SYNE2: variants seen among roughly 807,000 people sequenced by gnomAD.
SYNE2 encodes the protein nesprin-2.
SYNE2 carries 431 observed loss-of-function variants against 856.3 expected under a neutral mutation model. The ratio of observed to expected loss-of-function variants is 0.50; its 90% confidence interval spans 0.47 to 0.55. SYNE2 has a LOEUF of 0.55. SYNE2 is among the 20% of genes least tolerant of loss of function. The pLI, the probability that SYNE2 is intolerant of heterozygous loss-of-function variation, is 0.00. For missense variants in SYNE2, 8,129 were observed against 8,023.2 expected, an observed-to-expected ratio of 1.01 and a Z score of -0.50; for synonymous variants, 2,923 against 2,872.3, an observed-to-expected ratio of 1.02 and a Z score of -0.56.
chr14:63,986,538 A>T lies in SYNE2; in HGVS notation c.2234A>T (p.Gln745Leu), dbSNP rs185674511. The T allele has an allele frequency of 3.1e-6, 5 of 1,614,188 alleles. No individual in the cohort carries two copies. In the South Asian group the frequency reaches 4.4e-5, roughly 14 times the overall value. The change falls in exon 19 of 116, where the codon CAA becomes CTA. Residue 745 changes from glutamine to leucine, a missense_variant. Around this residue, in one of 3 missense-constraint regions of SYNE2, gnomAD observed 2,422 missense variants for 2,357.4 expected, o/e 1.03. Coordinates refer to ENST00000555002, the MANE Select transcript of SYNE2 (RefSeq NM_182914.3). ...VAKDVEKLIG[Q>L]VEIWEAEAKS... The stretch of plus-strand genomic sequence containing the variant: ...AAAGATGTTGAAAAACTCATTGGAC[A>T]AGTGGAAATCTGGGAGGCAGAAGCC...
chr14:64,187,216 G>GT, intron 97 of SYNE2, among the ~76,000 whole-genome samples: 1 of 152,232 alleles, frequency 6.6e-6, no homozygotes, highest in East Asian at 1.9e-4. Flanking sequence ...AAAGATCTTT[G>GT]TTTTAAGAAC....
At chr14:63,963,645 T>C (rs527476260) in intron 9 of SYNE2, among the ~76,000 whole-genome samples, 20 of 152,352 alleles carry the variant, frequency 1.3e-4, no homozygotes, top group South Asian at 4.1e-4. Flanking sequence ...TAGAATAATG[T>C]TCTCCAAGCC....
intron 32 of SYNE2, among the ~76,000 whole-genome samples, chr14:64,015,919 G>C (rs2096888983): frequency 6.6e-6 from 1 of 151,950 alleles, no homozygotes; most frequent in African/African-American, 2.4e-5. Flanking sequence ...AATTTCTCTT[G>C]AGACTTCCTC....
At chr14:64,094,218 C>T (rs1196813121) in intron 61 of SYNE2, among the ~76,000 whole-genome samples, 1 of 151,646 alleles carries the variant, frequency 6.6e-6, no homozygotes, top group East Asian at 1.9e-4. Flanking sequence ...CCTGTAGTCC[C>T]AGCTAGTCGG....
intron 85 of SYNE2, among the ~76,000 whole-genome samples, chr14:64,156,832 TC>T (rs1423548766): frequency 1.3e-5 from 2 of 152,224 alleles, no homozygotes; most frequent in African/African-American, 4.8e-5. Context: ...AGACATTCAG[TC>T]CACATAGTTG....
rs1379002423 is a variant in SYNE2, at chr14:64,190,209, C to T, written c.18010C>T (p.Gln6004Ter). 6.2e-7 allele frequency: 1 copy of T among 1,613,878 alleles called. No homozygotes were observed. Among genetic ancestry groups the T allele is most frequent in the African/African-American group, 1.3e-5 (1 of 74,846 alleles). ...GCTCAACAAAATTAACGATCGTTGGCAACATCTTTTTGATGTCATCGGATC... is the reference window on the plus strand; with the variant it reads ...GCTCAACAAAATTAACGATCGTTGGTAACATCTTTTTGATGTCATCGGATC... ...DKLNKINDRW[Q>*]HLFDVIGSRV... is the part of the protein sequence containing the mutation. Residue 6004 changes from glutamine (Q) to a stop codon, truncating the protein, a stop_gained, in exon 99 of 116, where the codon CAA becomes TAA. Transcript: ENST00000555002. LOFTEE classifies it high-confidence loss of function.
Position 64,225,752 on chromosome 14 carries a change from G to T in SYNE2, c.*226G>T, listed in dbSNP as rs1431203440. On this transcript the variant is annotated 3_prime_UTR_variant, in exon 116 of 116. Coordinates refer to ENST00000555002, the MANE Select transcript of SYNE2 (RefSeq NM_182914.3). ...TGTGGCAGGTGCCCCGGGTATTTTG[G>T]CAGAACTAGTTGATTAGTTTAGGGA... The T allele has an allele frequency of 3.3e-6, 2 of 607,616 alleles. No individual in the cohort carries two copies. Among genetic ancestry groups the T allele is most frequent in the Admixed American group, 5.6e-5 (2 of 35,528 alleles). The allele number at this position is 607,616 out of a possible 1,614,324, so 37.6% of individuals were successfully genotyped here. A position where few individuals can be genotyped will look rare whatever the true frequency, so the allele number is the denominator to read the frequency against.
At chr14:63,945,307 C>T (rs1446483997) in intron 6 of SYNE2, among the ~76,000 whole-genome samples, 1 of 152,070 alleles carries the variant, frequency 6.6e-6, no homozygotes, top group African/African-American at 2.4e-5. Context: ...GTCCTTCTCC[C>T]AATCACTGCC....
At position 64,070,761 on chromosome 14, in the gene SYNE2, A is replaced by T. The variant is rs2097399410; in HGVS notation, c.10548A>T (p.Gln3516His). 1 of 1,614,122 alleles carries T rather than the reference A, an allele frequency of 6.2e-7. No individual in the cohort carries two copies. Among genetic ancestry groups the T allele is most frequent in the Admixed American group, 1.7e-5 (1 of 60,012 alleles). ...ELSELLDCLC[Q>H]YGENVEKQQL... Reference sequence around the variant, plus strand: ...CTGAGCTGCTAGACTGTTTATGCCAATATGGAGAGAACGTGGAGAAGCAAC... The same window carrying T: ...CTGAGCTGCTAGACTGTTTATGCCATTATGGAGAGAACGTGGAGAAGCAAC... Residue 3516 changes from glutamine (Q) to histidine (H), a missense_variant, in exon 52 of 116, where the codon CAA (glutamine) becomes CAT (histidine). Physicochemically the swap from Gln to His is conservative, Grantham distance 24 (BLOSUM62 0). Coordinates refer to ENST00000555002, the MANE Select transcript of SYNE2 (RefSeq NM_182914.3).
chr14:64,038,327 G>T (rs866773938), intron 45 of SYNE2, among the ~76,000 whole-genome samples: 94 of 152,254 alleles, frequency 6.2e-4, no homozygotes, highest in Admixed American at 1.1e-3. Context: ...ATGAGATGGC[G>T]GCCGGGCAGA....
intron 7 of SYNE2, 94 bp from the exon 8 acceptor site, chr14:63,954,625 G>T (rs2096216348): frequency 4.2e-6 from 5 of 1,194,196 alleles, no homozygotes; most frequent in Non-Finnish European, 3.6e-6. Flanking sequence ...TAATTTACTT[G>T]ATTTGCCAAA....
chr14:64,016,778 A>C, intron 33 of SYNE2, 147 bp downstream of exon 33: 1 of 633,158 alleles, frequency 1.6e-6, no homozygotes, highest in Non-Finnish European at 2.7e-6. Context: ...TTTTAACCCC[A>C]GAGTTGGGAC....
chr14:63,868,039 G>T (rs546663517), intron 1 of SYNE2, among the ~76,000 whole-genome samples: 13 of 152,180 alleles, frequency 8.5e-5, no homozygotes, highest in African/African-American at 2.6e-4. Flanking sequence ...TACAGAGTAA[G>T]ACTGTCTAAA....
chr14:63,783,458 A>C (rs1368449634), intron 1 of SYNE2, among the ~76,000 whole-genome samples: 1 of 151,686 alleles, frequency 6.6e-6, no homozygotes, highest in Non-Finnish European at 1.5e-5. Flanking sequence ...GCTCACTGCA[A>C]CCTCCGCCTC....
intron 1 of SYNE2, among the ~76,000 whole-genome samples, chr14:63,820,759 T>TC (rs1290183983): frequency 2.0e-5 from 3 of 151,802 alleles, no homozygotes; most frequent in African/African-American, 7.3e-5. Context: ...ACTTTTTTTT[T>TC]TTTTTTTTGA....
At chr14:64,075,058 G>T (rs1332406403) in intron 53 of SYNE2, among the ~76,000 whole-genome samples, 1 of 152,164 alleles carries the variant, frequency 6.6e-6, no homozygotes, top group Non-Finnish European at 1.5e-5. Flanking sequence ...TCTTTGAATG[G>T]CATTGTTCTC....
intron 1 of SYNE2, among the ~76,000 whole-genome samples, chr14:63,884,891 C>T (rs1472210719): frequency 4.6e-5 from 7 of 152,076 alleles, no homozygotes; most frequent in Non-Finnish European, 2.9e-5. Flanking sequence ...CCGCCCGCCT[C>T]GGCCTCCCAA....
At chr14:64,083,970 C>G (rs10138292) in intron 57 of SYNE2, among the ~76,000 whole-genome samples, 15,786 of 150,962 alleles carry the variant, frequency 0.1, 963 homozygotes, top group African/African-American at 0.17. Flanking sequence ...TTTTGCCCAG[C>G]CTGGAGTGCA....
intron 1 of SYNE2, among the ~76,000 whole-genome samples, chr14:63,778,929 AGCT>A (rs879427356): frequency 0.57 from 76,041 of 132,470 alleles, 20,749 homozygotes; most frequent in South Asian, 0.72. Context: ...CTCCCAAAGT[AGCT>A]CATGGCTATG....
Sources: gnomAD v4.1 joint callset for allele counts (sites outside exome capture counted in the v4.1 genomes callset) on GRCh38, gnomAD v4.1.1 for gene constraint, gnomAD v4.1.1 regional missense constraint, MANE v1.5 for transcripts, NCBI Gene and HGNC (gene_info 2026-07-23, HGNC 2026-07-21) for gene names.